IARS2: variants seen among roughly 807,000 people sequenced by gnomAD.
IARS2 encodes the protein isoleucine--tRNA ligase, mitochondrial.
In IARS2, 56 loss-of-function variants were observed where a neutral mutation model predicts 126.3. That is an observed-to-expected ratio of 0.44 (90% CI 0.36 to 0.55). The LOEUF (loss-of-function observed/expected upper bound fraction) is 0.55. IARS2 is among the 20% of genes least tolerant of loss of function. The pLI, the probability that IARS2 is intolerant of heterozygous loss-of-function variation, is 0.00. For synonymous variants in IARS2, 407 were observed against 441.1 expected (o/e 0.92, Z 0.97); for missense variants, 1,127 against 1,245.9 (o/e 0.90, Z 1.44).
At chr1:220,142,709 T>C (rs1029409530) in intron 20 of IARS2, among the ~76,000 whole-genome samples, 3 of 152,120 alleles carry the variant, frequency 2.0e-5, no homozygotes, top group Non-Finnish European at 4.4e-5. Flanking sequence ...CTAAGCATCC[T>C]TTTTTTCTTT....
At position 220,103,466 on chromosome 1, in the gene IARS2, T is replaced by C. The variant is rs776783023; in HGVS notation, c.970T>C (p.Ser324Pro). Residue 324 changes from serine (S) to proline (P), a missense_variant, in exon 8 of 23, where the codon TCT becomes CCT. Physicochemically the swap from Ser to Pro is moderately conservative, Grantham distance 74. Transcript: ENST00000366922. ...PESKYAVVKC[S>P]KSGDLYVLAA... ...TGTTAGGTATGCTGTTGTGAAATGT[T>C]CTAAGTCTGGAGACCTCTACGTACT... 6.2e-7 allele frequency: 1 copy of C among 1,609,662 alleles called. No individual in the cohort carries two copies. Among genetic ancestry groups the C allele is most frequent in the Non-Finnish European group, 8.5e-7 (1 of 1,176,098 alleles).
chr1:220,106,215 G>A (rs377041520), intron 9 of IARS2, among the ~76,000 whole-genome samples, 155 bp downstream of exon 9: 2 of 152,028 alleles, frequency 1.3e-5, no homozygotes, highest in Non-Finnish European at 2.9e-5. Flanking sequence ...TCATTAATTC[G>A]TACTAATTGA....
chr1:220,099,871 A>G (rs1656535548), intron 2 of IARS2, among the ~76,000 whole-genome samples: 1 of 152,102 alleles, frequency 6.6e-6, no homozygotes. Flanking sequence ...TTGAAATTAG[A>G]GTTTTTAAAG....
intron 14 of IARS2, among the ~76,000 whole-genome samples, chr1:220,130,291 T>G (rs906789608): frequency 3.3e-5 from 5 of 152,226 alleles, no homozygotes; most frequent in African/African-American, 1.2e-4. Context: ...ACAAATAGTT[T>G]GCAAAGATTT....
At chr1:220,144,539 A>G (rs1169870272) in intron 21 of IARS2, among the ~76,000 whole-genome samples, 1 of 152,190 alleles carries the variant, frequency 6.6e-6, no homozygotes, top group African/African-American at 2.4e-5. Flanking sequence ...CCCATTTTAA[A>G]ATTTAAAACT....
intron 1 of IARS2, among the ~76,000 whole-genome samples, chr1:220,095,412 C>T (rs1429291098): frequency 6.6e-6 from 1 of 152,180 alleles, no homozygotes; most frequent in Non-Finnish European, 1.5e-5. Context: ...CCCTGATATT[C>T]TTGGAATATT....
At position 220,140,993 on chromosome 1, in the gene IARS2, A is replaced by C. The variant is rs965287255; in HGVS notation, c.2414+704A>C. Among the ~76,000 whole-genome samples, 96 of 151,880 alleles carry C rather than the reference A, an allele frequency of 6.3e-4. 1 individual carries two copies. Among genetic ancestry groups the C allele is most frequent in the Non-Finnish European group, 1.1e-3 (76 of 67,956 alleles). On this transcript the variant is annotated intron_variant, in intron 19 of 22. Transcript: ENST00000366922. ...AGCAAGACTCCGTCTCAAAAAAAAAAAAAAAAAAAGATTGGGTTCCGGAGT... is the reference window on the plus strand; with the variant it reads ...AGCAAGACTCCGTCTCAAAAAAAAACAAAAAAAAAGATTGGGTTCCGGAGT...
intron 3 of IARS2, 22 bp from the exon 4 acceptor site, chr1:220,102,107 C>A (rs759609759): frequency 4.4e-6 from 7 of 1,587,668 alleles, no homozygotes; most frequent in Admixed American, 1.9e-5. Flanking sequence ...TTTTTAAAAT[C>A]TTTTTTTCGT....
chr1:220,145,455 C>T, intron 21 of IARS2, 54 bp from the exon 22 acceptor site: 1 of 1,516,812 alleles, frequency 6.6e-7, no homozygotes, highest in Non-Finnish European at 8.9e-7. Context: ...TTTATAACCT[C>T]AGTTTATGGT....
intron 8 of IARS2, among the ~76,000 whole-genome samples, chr1:220,105,220 A>G (rs1558120788): frequency 6.6e-6 from 1 of 152,238 alleles, no homozygotes; most frequent in Admixed American, 6.5e-5. Flanking sequence ...AATTACAGAC[A>G]TGAGCTACTG....
chr1:220,101,444 C>G (rs558873542), intron 3 of IARS2, among the ~76,000 whole-genome samples: 1 of 152,286 alleles, frequency 6.6e-6, no homozygotes, highest in South Asian at 2.1e-4. Context: ...GCCTGTAATC[C>G]TAGCACTTTG....
At chr1:220,096,274 A>G (rs984383086) in intron 2 of IARS2, 48 bp downstream of exon 2, 4 of 1,212,372 alleles carry the variant, frequency 3.3e-6, no homozygotes, top group Non-Finnish European at 4.6e-6. Flanking sequence ...GTTTATGTAA[A>G]TACTCTTTAT....
intron 17 of IARS2, 115 bp downstream of exon 17, chr1:220,138,158 A>G (rs1657417500): frequency 1.7e-6 from 2 of 1,169,984 alleles, no homozygotes; most frequent in African/African-American, 1.5e-5. Context: ...CGAGTTCTTC[A>G]TTTATTGTGA....
Position 220,094,286 on chromosome 1 carries a change from A to T in IARS2, c.70A>T (p.Thr24Ser), listed in dbSNP as rs1306230811. Reference protein sequence around the residue: ...ALATARSLWGTPRLPCSPGWQ... With the variant: ...ALATARSLWGSPRLPCSPGWQ... ...GGCCACTGCCCGAAGTTTGTGGGGG[A>T]CGCCCCGCCTTCCCTGCAGCCCGGG... The change falls in exon 1 of 23, where the codon ACG becomes TCG. Residue 24 changes from threonine (T) to serine (S), a missense_variant. Coordinates refer to ENST00000366922, the MANE Select transcript of IARS2 (RefSeq NM_018060.4). 1 of 1,609,614 alleles carries T rather than the reference A, an allele frequency of 6.2e-7. No individual in the cohort carries two copies. Among genetic ancestry groups the T allele is most frequent in the Non-Finnish European group, 8.5e-7 (1 of 1,178,430 alleles).
In IARS2 at chr1:220,100,634, G is replaced by A; in HGVS notation, c.535G>A (p.Glu179Lys). ...GREAQNLSAM[E>K]IRKKARSFAK... ...AGAAGCTCAGAATCTTTCAGCTATGGAAATTAGAAAGAAAGGTAAATAATC... is the reference window on the plus strand; with the variant it reads ...AGAAGCTCAGAATCTTTCAGCTATGAAAATTAGAAAGAAAGGTAAATAATC... The change falls in exon 3 of 23, where the codon GAA becomes AAA. Residue 179 changes from glutamate (E) to lysine (K), a missense_variant. Physicochemically the swap from Glu to Lys is moderately conservative, Grantham distance 56 (BLOSUM62 1). Coordinates refer to ENST00000366922, the MANE Select transcript of IARS2 (RefSeq NM_018060.4). The A allele has an allele frequency of 4.4e-6, 7 of 1,607,062 alleles. No homozygotes were observed. The highest frequency in any genetic ancestry group is 6.0e-6 in the Non-Finnish European group (7 of 1,175,204).
intron 12 of IARS2, among the ~76,000 whole-genome samples, chr1:220,124,892 G>A (rs1403732456): frequency 6.6e-6 from 1 of 152,174 alleles, no homozygotes; most frequent in East Asian, 1.9e-4. Context: ...AGTGTCAGTG[G>A]GAACCACTGT....
chr1:220,110,510 C>T (rs1049928079), intron 10 of IARS2, among the ~76,000 whole-genome samples: 22 of 152,154 alleles, frequency 1.4e-4, no homozygotes. Context: ...GGATTATGGG[C>T]ACACACCACC....
chr1:220,098,040 A>G (rs941235859), intron 2 of IARS2, among the ~76,000 whole-genome samples: 3 of 152,046 alleles, frequency 2.0e-5, no homozygotes. Flanking sequence ...ATGCCCAGCT[A>G]ATTTTTTGTA....
intron 12 of IARS2, chr1:220,118,246 C>T (rs751484954): frequency 4.2e-6 from 2 of 473,490 alleles, no homozygotes; most frequent in Non-Finnish European, 8.7e-6. Flanking sequence ...CACCATTAAA[C>T]ATATAAGGAG....
Sources: gnomAD v4.1 joint callset for allele counts (sites outside exome capture counted in the v4.1 genomes callset) on GRCh38, gnomAD v4.1.1 for gene constraint, MANE v1.5 for transcripts, NCBI Gene and HGNC (gene_info 2026-07-23, HGNC 2026-07-21) for gene names.